The following RBM11 variants were observed in gnomAD, a reference collection of about 807,000 sequenced individuals.
RBM11 encodes the protein splicing regulator RBM11.
Under a neutral mutation model 21.4 loss-of-function variants are expected in RBM11, and 18 were observed. The observed-to-expected ratio is 0.84, with a 90% CI of 0.58 to 1.25. The LOEUF (loss-of-function observed/expected upper bound fraction) is 1.25, where lower values mean the gene tolerates loss of function less well. Ranked by LOEUF, RBM11 falls within the 50% of genes most tolerant of loss-of-function variation. The pLI, the probability that RBM11 is intolerant of heterozygous loss-of-function variation, is 0.00. For missense variants in RBM11, 294 were observed against 331.9 expected (o/e 0.89, Z 0.89); for synonymous variants, 120 against 116.3 (o/e 1.03, Z -0.20).
chr21:14,224,538 G>T lies in RBM11; in HGVS notation c.432+1G>T. On this transcript the variant is annotated splice_donor_variant, in intron 4 of 4. Transcript: ENST00000400577. LOFTEE classifies it high-confidence loss of function. Reference sequence around the variant, plus strand: ...AGAATATTTTCTCTTTCAGAAGATGGTAAGTTTAATATGCATTTTATTTAG... The same window carrying T: ...AGAATATTTTCTCTTTCAGAAGATGTTAAGTTTAATATGCATTTTATTTAG... 6.5e-7 allele frequency: 1 copy of T among 1,546,714 alleles called. No homozygotes were observed. Among genetic ancestry groups the T allele is most frequent in the South Asian group, 1.2e-5 (1 of 82,716 alleles).
intron 4 of RBM11, among the ~76,000 whole-genome samples, chr21:14,225,396 T>A (rs367718): frequency 0.27 from 41,414 of 151,980 alleles, 6,699 homozygotes; most frequent in African/African-American, 0.47. Flanking sequence ...CCCAGAAATC[T>A]TAATTATGGA....
rs1263815887 is a variant in RBM11, at chr21:14,227,455, A to G, written c.*162A>G. The G allele has an allele frequency of 8.2e-6, 6 of 734,762 alleles. No individual in the cohort carries two copies. Among genetic ancestry groups the G allele is most frequent in the Non-Finnish European group, 1.3e-5 (6 of 479,832 alleles). The allele number at this position is 734,762 out of a possible 1,614,324, so 45.5% of individuals were successfully genotyped here. On this transcript the variant is annotated 3_prime_UTR_variant, in exon 5 of 5. Transcript: ENST00000400577. ...TGCTGTTCAATTTTTGCCTTGAACG[A>G]CAAAAGCTTTCTAAAAATAGTATAA... is the stretch of plus-strand genomic sequence containing the variant.
chr21:14,225,689 TA>T (rs1296995024), intron 4 of RBM11, among the ~76,000 whole-genome samples: 1 of 152,178 alleles, frequency 6.6e-6, no homozygotes, highest in Non-Finnish European at 1.5e-5. Flanking sequence ...TTAACTATGG[TA>T]AAACATTAGT....
chr21:14,223,724 C>A (rs1236301218), intron 3 of RBM11, among the ~76,000 whole-genome samples: 1 of 151,910 alleles, frequency 6.6e-6, no homozygotes, highest in Admixed American at 6.6e-5. Context: ...GATGTGGGAC[C>A]TTTGGGAGGT....
chr21:14,226,199 C>A (rs1177155891), intron 4 of RBM11, among the ~76,000 whole-genome samples: 1 of 151,892 alleles, frequency 6.6e-6, no homozygotes, highest in African/African-American at 2.4e-5. Context: ...AGTAAAATAT[C>A]TCATTAATTT....
chr21:14,217,715 C>T (rs572282344), intron 1 of RBM11, among the ~76,000 whole-genome samples: 1 of 151,856 alleles, frequency 6.6e-6, no homozygotes, highest in South Asian at 2.1e-4. Context: ...TTAAAACTTA[C>T]TATATTAAGT....
intron 3 of RBM11, 99 bp downstream of exon 3, chr21:14,221,268 T>C (rs1350011242): frequency 5.4e-6 from 7 of 1,299,886 alleles, no homozygotes; most frequent in Non-Finnish European, 6.0e-6. Context: ...CCTTACTTTT[T>C]AGGCCTAGGA....
chr21:14,224,664 C>A (rs777364865), intron 4 of RBM11, 127 bp downstream of exon 4: 20 of 1,307,256 alleles, frequency 1.5e-5, no homozygotes, highest in Non-Finnish European at 2.0e-5. Flanking sequence ...CCAGCACTGT[C>A]CTCCAGTGGT....
intron 3 of RBM11, among the ~76,000 whole-genome samples, chr21:14,222,752 G>A (rs966985958): frequency 8.5e-5 from 13 of 152,182 alleles, no homozygotes; most frequent in African/African-American, 3.1e-4. Context: ...TGCAAATTCA[G>A]ACAAGAACTG....
Position 14,227,810 on chromosome 21 carries a change from A to G in RBM11, c.*517A>G, listed in dbSNP as rs1036632928. The G allele has an allele frequency of 2.6e-5, 4 of 152,958 alleles. No individual in the cohort carries two copies. The highest frequency in any genetic ancestry group is 2.0e-4 in the Admixed American group (3 of 15,352). 9.5% of individuals were successfully genotyped at this position (152,958 alleles called of 1,614,324 possible). A position where few individuals can be genotyped will look rare whatever the true frequency, so the allele number is the denominator to read the frequency against. Reference sequence around the variant, plus strand: ...TACCTAAATATGTTGTTTCTGAGCCATATTCTTCTTCAGGTTTATTTTATA... The same window carrying G: ...TACCTAAATATGTTGTTTCTGAGCCGTATTCTTCTTCAGGTTTATTTTATA... On this transcript the variant is annotated 3_prime_UTR_variant, in exon 5 of 5. Coordinates refer to ENST00000400577, the MANE Select transcript of RBM11 (RefSeq NM_144770.5).
At position 14,227,436 on chromosome 21, in the gene RBM11, T is replaced by C; in HGVS notation, c.*143T>C. ...ATAAGACTTATCTCTGGTTTGCTGTTCAATTTTTGCCTTGAACGACAAAAG... is the reference window on the plus strand; with the variant it reads ...ATAAGACTTATCTCTGGTTTGCTGTCCAATTTTTGCCTTGAACGACAAAAG... On this transcript the variant is annotated 3_prime_UTR_variant, in exon 5 of 5. Transcript: ENST00000400577. 2 of 929,958 alleles carry C rather than the reference T, an allele frequency of 2.2e-6. No homozygotes were observed. Among genetic ancestry groups the C allele is most frequent in the Non-Finnish European group, 3.1e-6 (2 of 653,658 alleles). 57.6% of individuals were successfully genotyped at this position (929,958 alleles called of 1,614,324 possible).
chr21:14,216,392 G>C, intron 1 of RBM11, 110 bp downstream of exon 1: 1 of 870,170 alleles, frequency 1.1e-6, no homozygotes, highest in Non-Finnish European at 1.8e-6. Flanking sequence ...TCCTGAGCAG[G>C]GGTTTTAATT....
chr21:14,227,386 AT>A lies in RBM11; in HGVS notation c.*94del. 3.0e-6 allele frequency: 4 copies of A among 1,323,186 alleles called. No individual in the cohort carries two copies. Among genetic ancestry groups the A allele is most frequent in the Non-Finnish European group, 2.0e-6 (2 of 978,732 alleles). 82.0% of individuals were successfully genotyped at this position (1,323,186 alleles called of 1,614,324 possible). The stretch of plus-strand genomic sequence containing the variant: ...CCATCAAATAAACAATGTCATGGCT[AT>A]CTTGTCTTTTGAAATATGTAGTAAT... On this transcript the variant is annotated 3_prime_UTR_variant, in exon 5 of 5. Transcript: ENST00000400577.
chr21:14,222,380 T>A (rs1453441339), intron 3 of RBM11, among the ~76,000 whole-genome samples: 1 of 152,138 alleles, frequency 6.6e-6, no homozygotes, highest in Non-Finnish European at 1.5e-5. Flanking sequence ...AGTATGAGTG[T>A]CATCCATACT....
chr21:14,217,458 G>A (rs949513946), intron 1 of RBM11, among the ~76,000 whole-genome samples: 4 of 152,112 alleles, frequency 2.6e-5, no homozygotes, highest in African/African-American at 9.7e-5. Context: ...CCTTTATTTG[G>A]TTGTGAAAGG....
intron 4 of RBM11, 147 bp from the exon 5 acceptor site, chr21:14,226,733 C>T: frequency 1.8e-6 from 2 of 1,085,930 alleles, no homozygotes; most frequent in South Asian, 1.7e-5. Context: ...GAAACACCTA[C>T]CTTTCTACTA....
At position 14,219,651 on chromosome 21, in the gene RBM11, C is replaced by T. The variant is rs759324505; in HGVS notation, c.185C>T (p.Ser62Leu). The change falls in exon 2 of 5, where the codon TCG (serine) becomes TTG (leucine). Residue 62 changes from serine to leucine, a missense_variant. Coordinates refer to ENST00000400577, the MANE Select transcript of RBM11 (RefSeq NM_144770.5). ...FGFVCFKHPE[S>L]VSYAIALLNG... ...TTTGTCTGCTTTAAACACCCAGAAT[C>T]GGTGTCTTATGCCATAGCTTTGCTG... 15 of 1,607,892 alleles carry T rather than the reference C, an allele frequency of 9.3e-6. No homozygotes were observed. The East Asian group carries it at 1.3e-4, about 14-fold the overall frequency.
intron 2 of RBM11, among the ~76,000 whole-genome samples, chr21:14,220,835 T>G (rs1346349084): frequency 6.6e-6 from 1 of 152,190 alleles, no homozygotes; most frequent in Non-Finnish European, 1.5e-5. Flanking sequence ...TCATGTATCT[T>G]ACAAAGTCCA....
In RBM11 at chr21:14,221,146, T is replaced by A; in HGVS notation, c.309T>A (p.Val103=). ...CTAACCAAAGTTTTGAGAGCTGTGT[T>A]AAGATAAATTCACACAACTACAGGT... ...EPANQSFESC[V]KINSHNYRNE... Residue 103 remains valine, a synonymous_variant, in exon 3 of 5, where the codon GTT becomes GTA. Transcript: ENST00000400577. 6.4e-7 allele frequency: 1 copy of A among 1,573,622 alleles called. No individual in the cohort carries two copies. Among genetic ancestry groups the A allele is most frequent in the Admixed American group, 1.8e-5 (1 of 54,072 alleles).
Sources: allele counts gnomAD v4.1 joint callset (sites outside exome capture counted in the v4.1 genomes callset), GRCh38; gene constraint gnomAD v4.1.1; transcripts MANE v1.5; gene names NCBI Gene and HGNC (gene_info 2026-07-23, HGNC 2026-07-21).